NEMF: variants seen among roughly 807,000 people sequenced by gnomAD.
The protein encoded by NEMF is ribosome quality control complex subunit NEMF.
NEMF carries 89 observed loss-of-function variants against 162.2 expected under a neutral mutation model. The ratio of observed to expected loss-of-function variants is 0.55; its 90% CI spans 0.46 to 0.65. The LOEUF is 0.65. NEMF is among the 30% of genes least tolerant of loss of function. NEMF has a pLI of 0.00. For synonymous variants in NEMF, 421 were observed against 404.5 expected (o/e 1.04, Z -0.49); for missense variants, 1,133 against 1,261.9 (o/e 0.90, Z 1.55).
intron 15 of NEMF, among the ~76,000 whole-genome samples, chr14:49,826,630 G>A (rs898015038): frequency 1.3e-5 from 2 of 151,572 alleles, no homozygotes; most frequent in South Asian, 4.2e-4. Flanking sequence ...AATAGACAGA[G>A]GGCCAAGTCA....
chr14:49,829,500 C>A, intron 11 of NEMF, 74 bp from the exon 12 acceptor site: 1 of 1,196,568 alleles, frequency 8.4e-7, no homozygotes, highest in Non-Finnish European at 1.2e-6. Context: ...TACTTCCCAA[C>A]ACTCACTATC....
At chr14:49,832,884 T>C (rs1448410828) in intron 8 of NEMF, among the ~76,000 whole-genome samples, 1 of 152,174 alleles carries the variant, frequency 6.6e-6, no homozygotes, top group African/African-American at 2.4e-5. Context: ...TCCTCAACTT[T>C]TCTGAAGAGC....
chr14:49,813,787 A>C (rs1042765111), intron 18 of NEMF, among the ~76,000 whole-genome samples: 2 of 151,934 alleles, frequency 1.3e-5, no homozygotes, highest in African/African-American at 2.4e-5. Context: ...AAATTTTTCT[A>C]GAGATGAGGT....
Position 49,783,047 on chromosome 14 carries a change from G to A in NEMF, c.*1589C>T, listed in dbSNP as rs1326164922. On this transcript the variant is annotated 3_prime_UTR_variant, in exon 33 of 33. Coordinates refer to ENST00000298310, the MANE Select transcript of NEMF (RefSeq NM_004713.6). ...CATTTGTATAATTATATGCATTGTT[G>A]TAGTTTGCACCTGTTGGTTTTAATG... The A allele has an allele frequency of 8.8e-6, 12 of 1,357,550 alleles. No homozygotes were observed. Among genetic ancestry groups the A allele is most frequent in the Non-Finnish European group, 1.1e-5 (11 of 994,988 alleles). The allele number at this position is 1,357,550 out of a possible 1,614,324, so 84.1% of individuals were successfully genotyped here. A position where few individuals can be genotyped will look rare whatever the true frequency, so the allele number is the denominator to read the frequency against.
chr14:49,782,151 TAA>T lies in NEMF; in HGVS notation c.*2483_*2484del. 1 of 514,184 alleles carries T rather than the reference TAA, an allele frequency of 1.9e-6. No individual in the cohort carries two copies. The highest frequency in any genetic ancestry group is 3.1e-5 in the South Asian group (1 of 32,198). 31.9% of individuals were successfully genotyped at this position (514,184 alleles called of 1,614,324 possible). A position where few individuals can be genotyped will look rare whatever the true frequency, so the allele number is the denominator to read the frequency against. On this transcript the variant is annotated 3_prime_UTR_variant, in exon 33 of 33. Transcript: ENST00000298310. ...CGTTCAGTTCAAACTCCTCATTGCA[TAA>T]ATGAGAACGACCAGAGAGAGAAAAT...
intron 7 of NEMF, 96 bp downstream of exon 7, chr14:49,834,267 A>T (rs1289382704): frequency 2.6e-6 from 2 of 784,000 alleles, no homozygotes; most frequent in Non-Finnish European, 4.3e-6. Flanking sequence ...AATGTTTTTC[A>T]TTCTAGAACC....
intron 23 of NEMF, 60 bp downstream of exon 23, chr14:49,800,360 A>C: frequency 3.4e-4 from 360 of 1,070,718 alleles, no homozygotes; most frequent in Middle Eastern, 7.2e-4. Context: ...CTTTGTAAGG[A>C]TTACCTCATC....
At chr14:49,798,371 A>G (rs1890787774) in intron 25 of NEMF, among the ~76,000 whole-genome samples, 1 of 152,216 alleles carries the variant, frequency 6.6e-6, no homozygotes. Flanking sequence ...GATTTACCAA[A>G]AATTGGGTAA....
In NEMF at chr14:49,809,574, G is replaced by C. The variant is rs181084233; in HGVS notation, c.1745-3441C>G. Among the ~76,000 whole-genome samples the C allele has an allele frequency of 7.2e-5, 11 of 152,142 alleles. No homozygotes were observed. In the East Asian group the frequency reaches 1.9e-3, roughly 27 times the overall value. On this transcript the variant is annotated intron_variant, in intron 18 of 32. Transcript: ENST00000298310. ...CTCAAAGACTATATACATCAAGAGT[G>C]AACCCTGGCTGGGCTTGGTGACTCA...
At position 49,799,485 on chromosome 14, in the gene NEMF, T is replaced by C. The variant is rs1433452295; in HGVS notation, c.2455A>G (p.Lys819Glu). Reference protein sequence around the residue: ...KSQSRRHLSAKERREMKKKKL... With the variant: ...KSQSRRHLSAEERREMKKKKL... ...CACAGATGTGTTTACCTTCTTTCCT[T>C]GGCTGACAAATGTCTCCGGCTCTGT... Residue 819 changes from lysine (K) to glutamate (E), a missense_variant, in exon 25 of 33, where the codon AAG becomes GAG. Lys to Glu is a moderately conservative substitution (Grantham distance 56, BLOSUM62 1). Coordinates refer to ENST00000298310, the MANE Select transcript of NEMF (RefSeq NM_004713.6). 1.2e-6 allele frequency: 2 copies of C among 1,609,798 alleles called. No homozygotes were observed. Among genetic ancestry groups the C allele is most frequent in the Admixed American group, 3.4e-5 (2 of 58,854 alleles).
At chr14:49,788,488 T>C (rs535508982) in intron 28 of NEMF, among the ~76,000 whole-genome samples, 5 of 151,752 alleles carry the variant, frequency 3.3e-5, no homozygotes, top group Admixed American at 2.6e-4. Flanking sequence ...TAGATTCCTA[T>C]AGAAAAGCTT....
At chr14:49,788,070 G>C (rs888297040) in intron 28 of NEMF, among the ~76,000 whole-genome samples, 3 of 152,136 alleles carry the variant, frequency 2.0e-5, no homozygotes, top group Non-Finnish European at 4.4e-5. Flanking sequence ...CCTGAGATCA[G>C]GAGTTCAAGA....
At chr14:49,789,057 G>C (rs574530571) in intron 28 of NEMF, 89 bp downstream of exon 28, 2 of 972,158 alleles carry the variant, frequency 2.1e-6, no homozygotes, top group Non-Finnish European at 3.2e-6. Flanking sequence ...CACTTGTCTT[G>C]GTTTTAGCAC....
intron 19 of NEMF, among the ~76,000 whole-genome samples, chr14:49,805,379 C>T (rs1232769882): frequency 6.6e-6 from 1 of 151,776 alleles, no homozygotes; most frequent in Non-Finnish European, 1.5e-5. Context: ...CTCAACAGCA[C>T]TGGCCAGGCA....
In NEMF at chr14:49,836,182, G is replaced by A. The variant is rs146172606; in HGVS notation, c.575-1733C>T. ...TAATCCCAGCTACGTGGGAGGCTGA[G>A]GCAAGACAATCACTTGAACCCAGGA... On this transcript the variant is annotated intron_variant, in intron 6 of 32. Transcript: ENST00000298310. 5.0e-3 allele frequency among the ~76,000 whole-genome samples: 755 copies of A among 152,318 alleles called. 2 individuals are homozygous for A. The highest frequency in any genetic ancestry group is 7.1e-3 in the Admixed American group (108 of 15,298).
rs544104262 is a variant in NEMF at position 49,782,602 on chromosome 14, A to G, written c.*2034T>C. 1 of 1,591,142 alleles carries G rather than the reference A, an allele frequency of 6.3e-7. No individual in the cohort carries two copies. Among genetic ancestry groups the G allele is most frequent in the South Asian group, 1.1e-5 (1 of 88,996 alleles). On this transcript the variant is annotated 3_prime_UTR_variant, in exon 33 of 33. Coordinates refer to ENST00000298310, the MANE Select transcript of NEMF (RefSeq NM_004713.6). ...ACCAAAATCTCTTGTACGGTAAGTA[A>G]CTTTGTACTTGGCACTTAGATTATT...
intron 6 of NEMF, among the ~76,000 whole-genome samples, chr14:49,836,405 ACTTT>A (rs2139993670): frequency 1.3e-5 from 2 of 152,318 alleles, no homozygotes; most frequent in South Asian, 4.1e-4. Flanking sequence ...TAATCCCAGC[ACTTT>A]GGGAGGCTGA....
chr14:49,831,224 A>C (rs1042750771), intron 11 of NEMF, 75 bp downstream of exon 11: 10 of 796,594 alleles, frequency 1.3e-5, no homozygotes, highest in Admixed American at 1.1e-4. Flanking sequence ...CTGAAAGGCT[A>C]CCCTTTCCTA....
chr14:49,782,317 A>G lies in NEMF; in HGVS notation c.*2319T>C. On this transcript the variant is annotated 3_prime_UTR_variant, in exon 33 of 33. Transcript: ENST00000298310. ...TCATAGCTCTATTCTGTAGTATAAA[A>G]TGGCCAACTGGTGTTCTGGGTGGCT... 4.2e-6 allele frequency: 5 copies of G among 1,197,350 alleles called. No individual in the cohort carries two copies. The highest frequency in any genetic ancestry group is 6.1e-6 in the Non-Finnish European group (5 of 817,354). The allele number at this position is 1,197,350 out of a possible 1,614,324, so 74.2% of individuals were successfully genotyped here.
Sources: allele counts gnomAD v4.1 joint callset (sites outside exome capture counted in the v4.1 genomes callset), GRCh38; gene constraint gnomAD v4.1.1; transcripts MANE v1.5; gene names NCBI Gene and HGNC (gene_info 2026-07-23, HGNC 2026-07-21).